STS: variants seen among roughly 807,000 people sequenced by gnomAD.
The protein encoded by STS is steryl-sulfatase.
In STS, 7 loss-of-function variants were observed where a neutral mutation model predicts 26.8. That is an observed-to-expected ratio of 0.26 (90% CI 0.15 to 0.49). STS has a LOEUF of 0.49. Ranked by LOEUF, STS falls within the 20% of genes least tolerant of loss-of-function variation. The probability of loss-of-function intolerance (pLI) is 0.98; values close to 1 mark genes in which losing one functional copy is unlikely to be tolerated. For missense variants in STS, 434 were observed against 465.6 expected (o/e 0.93, Z 0.63); for synonymous variants, 199 against 189.4 (o/e 1.05, Z -0.42).
intron 1 of STS, among the ~76,000 whole-genome samples, chrX:7,189,540 AC>A (rs1202531300): frequency 8.9e-6 from 1 of 112,057 alleles, no homozygotes. Context: ...TTTGAGTCTT[AC>A]GTACTTTTCA....
At chrX:7,301,202 A>AT (rs2147135519) in intron 7 of STS, among the ~76,000 whole-genome samples, 1 of 99,725 alleles carries the variant, frequency 1.0e-5, no homozygotes, top group South Asian at 4.8e-4. Context: ...AGCCCGGGCA[A>AT]CAAACTGAGA....
At chrX:7,324,817 A>G (rs887836197) in intron 8 of STS, among the ~76,000 whole-genome samples, 1 of 111,542 alleles carries the variant, frequency 9.0e-6, no homozygotes, top group Non-Finnish European at 1.9e-5. Context: ...TTGGTTTACA[A>G]CCCTATGATT....
chrX:7,317,454 GGTTT>G (rs113419040), intron 8 of STS, among the ~76,000 whole-genome samples: 1,799 of 109,822 alleles, frequency 0.016, 11 homozygotes, highest in Middle Eastern at 0.033. Flanking sequence ...CATATCTTTT[GGTTT>G]GTTTGTTTGT....
intron 9 of STS, among the ~76,000 whole-genome samples, chrX:7,332,600 G>T (rs773098733): frequency 9.0e-6 from 1 of 110,879 alleles, no homozygotes; most frequent in Non-Finnish European, 1.9e-5. Flanking sequence ...TTTCACCACT[G>T]GGGGCTTTTC....
At chrX:7,233,546 G>A (rs1355028145) in intron 2 of STS, among the ~76,000 whole-genome samples, 1 of 111,141 alleles carries the variant, frequency 9.0e-6, no homozygotes, top group African/African-American at 3.3e-5. Context: ...TTCCACCTGC[G>A]CAGGTCACCT....
chrX:7,268,526 T>C lies in STS; in HGVS notation c.807-7425T>C, dbSNP rs143231702. On this transcript the variant is annotated intron_variant, in intron 6 of 10. Transcript: ENST00000674429. ...TAAGCCAGGAAGGAATGGGGTGATA[T>C]TGATTTTAATTCATGGTAAGAAAAG... Among the ~76,000 whole-genome samples, 432 of 112,107 alleles carry C rather than the reference T, an allele frequency of 3.9e-3. 4 individuals carry two copies. The highest frequency in any genetic ancestry group is 0.013 in the African/African-American group (405 of 30,809).
At chrX:7,337,668 G>A (rs1054076265) in intron 10 of STS, among the ~76,000 whole-genome samples, 5 of 112,402 alleles carry the variant, frequency 4.4e-5, no homozygotes, top group Admixed American at 1.9e-4. Context: ...GCTCCTGATC[G>A]TTCAGAAATC....
rs753796798 is a variant in STS at position 7,325,372 on chromosome X, G to T, written c.1115G>T (p.Arg372Leu). 2.4e-5 allele frequency: 29 copies of T among 1,209,393 alleles called. No individual in the cohort carries two copies. Among genetic ancestry groups the T allele is most frequent in the Non-Finnish European group, 3.2e-5 (29 of 895,031 alleles). The change falls in exon 9 of 11, where the codon CGG becomes CTG. Residue 372 changes from arginine (R) to leucine (L), a missense_variant. Physicochemically the swap from Arg to Leu is moderately radical, Grantham distance 102. Transcript: ENST00000674429. ...GCAAACAACTGGGAAGGAGGTATCCGGGTTCCAGGCATCCTTCGTTGGCCC... is the reference window on the plus strand; with the variant it reads ...GCAAACAACTGGGAAGGAGGTATCCTGGTTCCAGGCATCCTTCGTTGGCCC... ...GKANNWEGGI[R>L]VPGILRWPRV...
chrX:7,158,149 C>T (rs1300522990), intron 1 of STS, among the ~76,000 whole-genome samples: 4 of 111,448 alleles, frequency 3.6e-5, no homozygotes, highest in African/African-American at 6.5e-5. Context: ...GAGGCTTCAG[C>T]GACACTCCTC....
chrX:7,262,546 G>T (rs748526685), intron 6 of STS, among the ~76,000 whole-genome samples: 3 of 112,193 alleles, frequency 2.7e-5, no homozygotes, highest in East Asian at 2.8e-4. Flanking sequence ...TTTCAAATTT[G>T]TTTTAAAGCT....
At chrX:7,282,957 C>G (rs1458537334) in intron 7 of STS, among the ~76,000 whole-genome samples, 1 of 111,968 alleles carries the variant, frequency 8.9e-6, no homozygotes, top group African/African-American at 3.2e-5. Context: ...CACAATTTAT[C>G]TCCATCTAAT....
At chrX:7,244,494 G>C (rs1404065048) in intron 2 of STS, among the ~76,000 whole-genome samples, 1 of 111,922 alleles carries the variant, frequency 8.9e-6, no homozygotes, top group African/African-American at 3.3e-5. Flanking sequence ...CAGGAGCAGA[G>C]GGAATGAATT....
intron 8 of STS, among the ~76,000 whole-genome samples, chrX:7,308,659 G>T (rs971613700): frequency 3.6e-5 from 4 of 111,540 alleles, no homozygotes; most frequent in Non-Finnish European, 7.5e-5. Flanking sequence ...TGTTTTGCTT[G>T]CATGCTGGAG....
intron 2 of STS, among the ~76,000 whole-genome samples, chrX:7,230,807 G>T (rs1362973672): frequency 1.8e-5 from 2 of 111,602 alleles, no homozygotes; most frequent in East Asian, 5.6e-4. Flanking sequence ...TCAACACCTG[G>T]GGATTATAAT....
intron 7 of STS, among the ~76,000 whole-genome samples, chrX:7,297,346 A>G (rs527690890): frequency 5.5e-5 from 6 of 110,013 alleles, no homozygotes; most frequent in African/African-American, 2.0e-4. Context: ...GAATTAGCCA[A>G]TTGAAATTCA....
chrX:7,265,850 G>A (rs1309317709), intron 6 of STS, among the ~76,000 whole-genome samples: 1 of 112,221 alleles, frequency 8.9e-6, no homozygotes, highest in African/African-American at 3.2e-5. Context: ...TTAGTTATCT[G>A]ATTCACAAAA....
At chrX:7,203,884 AAGCAATTCTCCTGTCTC>A (rs748910353) in intron 2 of STS, among the ~76,000 whole-genome samples, 37 of 111,493 alleles carry the variant, frequency 3.3e-4, no homozygotes, top group African/African-American at 1.2e-3. Flanking sequence ...TTCTGGGCTC[AAGCAATTCTCCTGTCTC>A]AGCTTCCCAA....
intron 10 of STS, among the ~76,000 whole-genome samples, chrX:7,346,160 C>T (rs1928515604): frequency 8.9e-6 from 1 of 111,989 alleles, no homozygotes; most frequent in Non-Finnish European, 1.9e-5. Context: ...CTGGCTTAGG[C>T]ATCAACTTTT....
At chrX:7,228,541 C>G (rs986545378) in intron 2 of STS, among the ~76,000 whole-genome samples, 1 of 112,005 alleles carries the variant, frequency 8.9e-6, no homozygotes, top group Non-Finnish European at 1.9e-5. Flanking sequence ...GGAGAAATGT[C>G]TAGTGAAGTC....
Sources: allele counts gnomAD v4.1 joint callset (sites outside exome capture counted in the v4.1 genomes callset), GRCh38; gene constraint gnomAD v4.1.1; transcripts MANE v1.5; gene names NCBI Gene and HGNC (gene_info 2026-07-23, HGNC 2026-07-21).